The following PITPNC1 variants were observed in gnomAD, a reference collection of about 807,000 sequenced individuals.
The protein encoded by PITPNC1 is phosphatidylinositol transfer protein cytoplasmic 1, also known as cytoplasmic phosphatidylinositol transfer protein 1.
Under a neutral mutation model 44.7 loss-of-function variants are expected in PITPNC1, and 18 were observed. The observed-to-expected ratio is 0.40, with a 90% CI of 0.28 to 0.60. The LOEUF (loss-of-function observed/expected upper bound fraction) is 0.60, where lower values mean the gene tolerates loss of function less well. PITPNC1 is among the 20% of genes least tolerant of loss of function. The pLI is 0.39. For missense variants in PITPNC1, 290 were observed against 418.4 expected, an observed-to-expected ratio of 0.69 and a Z score of 2.68; for synonymous variants, 141 against 149.6, an observed-to-expected ratio of 0.94 and a Z score of 0.42.
chr17:67,452,006 G>GT lies in PITPNC1; in HGVS notation c.48+73814dup, dbSNP rs1321619191. On this transcript the variant is annotated intron_variant, in intron 1 of 8. Transcript: ENST00000581322. ...TGTTGTTGAATGCATCAGTGGTTGG[G>GT]TTTTTTTTTTGTTGTTGTTTTTTGA... is the stretch of plus-strand genomic sequence containing the variant. 1.1e-3 allele frequency among the ~76,000 whole-genome samples: 165 copies of GT among 147,524 alleles called. 3 individuals carry two copies. Among genetic ancestry groups the GT allele is most frequent in the Admixed American group, 4.4e-3 (65 of 14,882 alleles).
chr17:67,542,920 T>C (rs965411270), intron 2 of PITPNC1, among the ~76,000 whole-genome samples: 9 of 152,214 alleles, frequency 5.9e-5, no homozygotes, highest in Non-Finnish European at 5.9e-5. Flanking sequence ...CAATAATTAT[T>C]ATCACTAAGC....
At chr17:67,391,283 A>G (rs56690908) in intron 1 of PITPNC1, among the ~76,000 whole-genome samples, 3,802 of 152,084 alleles carry the variant, frequency 0.025, 175 homozygotes, top group African/African-American at 0.087. Flanking sequence ...ACCCTATAAT[A>G]ATGTTGTTTA....
At chr17:67,583,356 G>A (rs1048373802) in intron 5 of PITPNC1, among the ~76,000 whole-genome samples, 10 of 152,074 alleles carry the variant, frequency 6.6e-5, no homozygotes, top group African/African-American at 2.4e-4. Context: ...GGGAGGCCGA[G>A]GCGGGAGGAT....
chr17:67,607,722 T>C (rs1057489480), intron 5 of PITPNC1, among the ~76,000 whole-genome samples: 9 of 150,738 alleles, frequency 6.0e-5, no homozygotes, highest in African/African-American at 2.2e-4. Context: ...CCTTAACTTT[T>C]TTTTCTTTCT....
At chr17:67,468,551 A>G (rs2039463543) in intron 1 of PITPNC1, among the ~76,000 whole-genome samples, 3 of 149,280 alleles carry the variant, frequency 2.0e-5, no homozygotes. Context: ...ACTGGTGCCC[A>G]CCACCACGCC....
intron 5 of PITPNC1, among the ~76,000 whole-genome samples, chr17:67,580,841 G>C (rs2041221204): frequency 6.6e-6 from 1 of 152,118 alleles, no homozygotes; most frequent in East Asian, 1.9e-4. Context: ...CTGATGTCAG[G>C]AGTTTGAGAC....
At chr17:67,581,772 G>A (rs990170264) in intron 5 of PITPNC1, among the ~76,000 whole-genome samples, 3 of 152,186 alleles carry the variant, frequency 2.0e-5, no homozygotes, top group Non-Finnish European at 4.4e-5. Context: ...GGTGGCTCAC[G>A]CCTGTAATCC....
In PITPNC1 at chr17:67,469,656, G is replaced by T. The variant is rs138785759; in HGVS notation, c.49-63146G>T. On this transcript the variant is annotated intron_variant, in intron 1 of 8. Coordinates refer to ENST00000581322, the MANE Select transcript of PITPNC1 (RefSeq NM_012417.4). ...CCCTGCTGGCTACTCCACCTCTCTGGGTCCCTCAGCTCAGAGATTCCACTT... is the reference window on the plus strand; with the variant it reads ...CCCTGCTGGCTACTCCACCTCTCTGTGTCCCTCAGCTCAGAGATTCCACTT... Among the ~76,000 whole-genome samples, 35 of 152,172 alleles carry T rather than the reference G, an allele frequency of 2.3e-4. No individual in the cohort carries two copies. The East Asian group carries it at 6.8e-3, about 29-fold the overall frequency.
intron 1 of PITPNC1, among the ~76,000 whole-genome samples, chr17:67,448,853 G>A (rs978854836): frequency 6.6e-6 from 1 of 152,132 alleles, no homozygotes; most frequent in African/African-American, 2.4e-5. Context: ...GATCTCCTCC[G>A]CCTCCCGGGT....
At chr17:67,574,923 A>G (rs2041118084) in intron 4 of PITPNC1, among the ~76,000 whole-genome samples, 2 of 152,332 alleles carry the variant, frequency 1.3e-5, no homozygotes, top group Admixed American at 1.3e-4. Context: ...CCATTCTGAT[A>G]TGAAAATAAC....
intron 5 of PITPNC1, among the ~76,000 whole-genome samples, chr17:67,589,604 C>CAA (rs10714478): frequency 0.054 from 6,809 of 126,282 alleles, 289 homozygotes; most frequent in East Asian, 0.15. Context: ...ATAATTGACT[C>CAA]AAAAAAAAAA....
intron 1 of PITPNC1, among the ~76,000 whole-genome samples, chr17:67,390,032 A>G (rs1346062127): frequency 7.5e-6 from 1 of 133,926 alleles, no homozygotes; most frequent in Non-Finnish European, 1.7e-5. Flanking sequence ...AGCAGAATAG[A>G]TACCCATGTT....
chr17:67,497,274 C>T (rs2039965530), intron 1 of PITPNC1, among the ~76,000 whole-genome samples: 2 of 150,364 alleles, frequency 1.3e-5, no homozygotes, highest in East Asian at 1.9e-4. Context: ...GGCTGGAGTG[C>T]AATGGCGCAA....
chr17:67,539,534 T>A (rs565270683), intron 2 of PITPNC1, among the ~76,000 whole-genome samples: 1 of 152,224 alleles, frequency 6.6e-6, no homozygotes, highest in East Asian at 1.9e-4. Context: ...GTGCAATATA[T>A]CAGCTGCAAA....
In PITPNC1 at chr17:67,613,964, T is replaced by G. The variant is rs996170439; in HGVS notation, c.367-18179T>G. ...AAAAAAAAAAAAAAAAAGTAGCCTA[T>G]ATTCCCAGCAACTCAGGAGACCGAG... On this transcript the variant is annotated intron_variant, in intron 5 of 8. Transcript: ENST00000581322. The G allele has an allele frequency of 3.1e-5, 4 of 129,340 alleles. No individual in the cohort carries two copies. The Admixed American group carries it at 3.2e-4, about 10-fold the overall frequency. 8.0% of individuals were successfully genotyped at this position (129,340 alleles called of 1,614,324 possible).
chr17:67,388,621 C>G (rs1418314713), intron 1 of PITPNC1, among the ~76,000 whole-genome samples: 1 of 151,054 alleles, frequency 6.6e-6, no homozygotes, highest in Admixed American at 6.6e-5. Context: ...CACCCGGCCT[C>G]TTTTGTTTTT....
intron 4 of PITPNC1, among the ~76,000 whole-genome samples, chr17:67,554,350 C>T (rs757969664): frequency 6.6e-6 from 1 of 150,952 alleles, no homozygotes; most frequent in Admixed American, 6.6e-5. Flanking sequence ...TTTCACCTAC[C>T]GGGTTCAAGC....
chr17:67,394,930 T>C (rs1427292662), intron 1 of PITPNC1, among the ~76,000 whole-genome samples: 3 of 150,834 alleles, frequency 2.0e-5, no homozygotes, highest in Non-Finnish European at 4.4e-5. Flanking sequence ...GAGCAGTGGC[T>C]CATACCTATA....
At chr17:67,601,375 T>C (rs2041537623) in intron 5 of PITPNC1, among the ~76,000 whole-genome samples, 1 of 152,132 alleles carries the variant, frequency 6.6e-6, no homozygotes, top group South Asian at 2.1e-4. Flanking sequence ...TGTGGGCCTA[T>C]CAAATGATAC....
Sources: gnomAD v4.1 joint callset for allele counts (sites outside exome capture counted in the v4.1 genomes callset) on GRCh38, gnomAD v4.1.1 for gene constraint, MANE v1.5 for transcripts, NCBI Gene and HGNC (gene_info 2026-07-23, HGNC 2026-07-21) for gene names.